KAZN: variants seen among roughly 807,000 people sequenced by gnomAD.
KAZN encodes kazrin, periplakin interacting protein.
In KAZN, 40 loss-of-function variants were observed where a neutral mutation model predicts 87.4. The observed-to-expected ratio is 0.46, with a 90% CI of 0.36 to 0.60. The LOEUF (loss-of-function observed/expected upper bound fraction) is 0.60. KAZN is among the 20% of genes least tolerant of loss of function. KAZN has a pLI of 0.00. For synonymous variants in KAZN, 466 were observed against 458.3 expected (o/e 1.02, Z -0.22); for missense variants, 898 against 1,073.9 (o/e 0.84, Z 2.29).
intron 1 of KAZN, among the ~76,000 whole-genome samples, chr1:14,058,653 G>A (rs1276731370): frequency 6.6e-6 from 1 of 152,064 alleles, no homozygotes; most frequent in Non-Finnish European, 1.5e-5. Context: ...AACTACTTAG[G>A]GTCTACAGAG....
intron 1 of KAZN, among the ~76,000 whole-genome samples, chr1:14,778,798 TTC>T (rs1181114720): frequency 6.6e-6 from 1 of 152,180 alleles, no homozygotes; most frequent in Non-Finnish European, 1.5e-5. Flanking sequence ...TTGCTCAGAA[TTC>T]TGTAAGTCAA....
At chr1:14,294,417 A>C (rs1309637805) in intron 2 of KAZN, among the ~76,000 whole-genome samples, 1 of 152,068 alleles carries the variant, frequency 6.6e-6, no homozygotes, top group Non-Finnish European at 1.5e-5. Flanking sequence ...CATGGTTGGT[A>C]CATGCCATAT....
intron 2 of KAZN, among the ~76,000 whole-genome samples, chr1:14,493,704 G>T (rs1669799234): frequency 6.6e-6 from 1 of 152,128 alleles, no homozygotes; most frequent in Admixed American, 6.5e-5. Context: ...CCATGAAGAT[G>T]TCTTATTTCT....
intron 2 of KAZN, among the ~76,000 whole-genome samples, chr1:14,422,932 GA>G (rs1247140843): frequency 6.6e-5 from 10 of 152,250 alleles, no homozygotes; most frequent in African/African-American, 2.4e-4. Flanking sequence ...AGGAAACTCA[GA>G]TTGAGGCTTC....
At chr1:14,268,561 C>A (rs1187763902) in intron 2 of KAZN, among the ~76,000 whole-genome samples, 1 of 151,856 alleles carries the variant, frequency 6.6e-6, no homozygotes, top group Non-Finnish European at 1.5e-5. Context: ...AAGGAGAAAA[C>A]CTTCCATTCT....
At chr1:14,855,547 G>GTGA (rs1264845178) in intron 1 of KAZN, among the ~76,000 whole-genome samples, 3 of 152,216 alleles carry the variant, frequency 2.0e-5, no homozygotes, top group Non-Finnish European at 4.4e-5. Flanking sequence ...GGTCACTGAT[G>GTGA]TGATCATTTG....
chr1:14,323,755 G>C (rs983634814), intron 2 of KAZN, among the ~76,000 whole-genome samples: 1 of 152,084 alleles, frequency 6.6e-6, no homozygotes, highest in African/African-American at 2.4e-5. Context: ...ACCACATCTT[G>C]GCAGGATCTT....
intron 1 of KAZN, among the ~76,000 whole-genome samples, chr1:14,727,878 C>T (rs992388990): frequency 2.0e-5 from 3 of 152,054 alleles, no homozygotes; most frequent in South Asian, 2.1e-4. Context: ...TAGACAGTCT[C>T]ATCGAGTGGT....
chr1:14,344,847 AAATGAGAGTTCACGG>A (rs1657993605), intron 2 of KAZN, among the ~76,000 whole-genome samples: 1 of 152,166 alleles, frequency 6.6e-6, no homozygotes, highest in Non-Finnish European at 1.5e-5. Flanking sequence ...TAACTCATGT[AAATGAGAGTTCACGG>A]GTGGACATAG....
chr1:14,362,416 A>G (rs1045017531), intron 2 of KAZN, among the ~76,000 whole-genome samples: 2 of 152,232 alleles, frequency 1.3e-5, no homozygotes, highest in Non-Finnish European at 2.9e-5. Context: ...CCTGACAAAC[A>G]TTGCAATCTT....
intron 2 of KAZN, among the ~76,000 whole-genome samples, chr1:15,023,806 G>A (rs1670918458): frequency 6.6e-6 from 1 of 152,012 alleles, no homozygotes; most frequent in African/African-American, 2.4e-5. Context: ...GAGCAGGGTA[G>A]TGACTGAGGA....
chr1:14,598,867 G>C lies in KAZN; in HGVS notation c.-131G>C. On this transcript the variant is annotated 5_prime_UTR_variant, in exon 1 of 15. Coordinates refer to ENST00000376030, the MANE Select transcript of KAZN (RefSeq NM_201628.3). This position sits in a 1 kb window ranked among gnomAD's most constrained non-coding sequence, Gnocchi z 4.2. The stretch of plus-strand genomic sequence containing the variant: ...GAGGAACCGGCGCTGCCGGTGCCTG[G>C]GGGTCGGGGCGCGGGCGAAGCCGGG... The C allele has an allele frequency of 6.9e-7, 1 of 1,443,800 alleles. No homozygotes were observed. The highest frequency in any genetic ancestry group is 1.5e-5 in the South Asian group (1 of 66,988). 89.4% of individuals were successfully genotyped at this position (1,443,800 alleles called of 1,614,324 possible).
chr1:13,921,371 T>C (rs929109565), intron 1 of KAZN, among the ~76,000 whole-genome samples: 26 of 152,204 alleles, frequency 1.7e-4, no homozygotes, highest in Non-Finnish European at 3.7e-4. Context: ...ACTCTGTCAT[T>C]GCAGTGTGAA....
intron 1 of KAZN, among the ~76,000 whole-genome samples, chr1:14,811,193 C>A (rs1469390959): frequency 6.6e-6 from 1 of 152,146 alleles, no homozygotes; most frequent in African/African-American, 2.4e-5. Context: ...GGTGCTTTTT[C>A]TTCCCCACCC....
rs138289296 is a variant in KAZN, at chr1:15,112,540, G to A, written c.2162G>A (p.Arg721Gln). Residue 721 changes from arginine (R) to glutamine (Q), a missense_variant and splice_region_variant, in exon 14 of 15, where the codon CGG becomes CAG. Physicochemically the swap from Arg to Gln is conservative, Grantham distance 43 (BLOSUM62 1). Around this residue, in one of 3 missense-constraint regions of KAZN, gnomAD observed 127 missense variants for 121.5 expected, o/e 1.04. Coordinates refer to ENST00000376030, the MANE Select transcript of KAZN (RefSeq NM_201628.3). ...NSSGLKYKAG[R>Q]LPLGKIGRGF... ...AGCGGTCTCAAGTACAAGGCTGGCC[G>A]GGTAAGTCTCTCAATGGATTTACCT... 115 of 1,556,294 alleles carry A rather than the reference G, an allele frequency of 7.4e-5. No homozygotes were observed. Among genetic ancestry groups the A allele is most frequent in the Non-Finnish European group, 9.0e-5 (103 of 1,149,130 alleles).
At chr1:14,697,159 A>AAAAAAAAAAAAAAAAAAG (rs1557897126) in intron 1 of KAZN, among the ~76,000 whole-genome samples, 1 of 135,074 alleles carries the variant, frequency 7.4e-6, no homozygotes. Flanking sequence ...AAAAAAAAAG[A>AAAAAAAAAAAAAAAAAAG]AAAGAAAAGA....
chr1:14,367,527 G>GT (rs1209332191), intron 2 of KAZN, among the ~76,000 whole-genome samples: 1 of 152,154 alleles, frequency 6.6e-6, no homozygotes, highest in African/African-American at 2.4e-5. Flanking sequence ...AAATAGGGGT[G>GT]TAAGTTCTCA....
At chr1:14,418,263 A>G (rs1332078525) in intron 2 of KAZN, among the ~76,000 whole-genome samples, 2 of 152,068 alleles carry the variant, frequency 1.3e-5, no homozygotes, top group Admixed American at 6.6e-5. Flanking sequence ...CAAGTTCCTA[A>G]CTATATGACC....
At chr1:14,253,317 C>G (rs1053285062) in intron 2 of KAZN, among the ~76,000 whole-genome samples, 9 of 152,188 alleles carry the variant, frequency 5.9e-5, no homozygotes, top group Admixed American at 2.6e-4. Context: ...CCTACCCTTG[C>G]AGATTCCCTT....
Sources: allele counts gnomAD v4.1 joint callset (sites outside exome capture counted in the v4.1 genomes callset), GRCh38; gene constraint gnomAD v4.1.1; regional missense constraint gnomAD v4.1.1; non-coding constraint Gnocchi (gnomAD v3.1); transcripts MANE v1.5; gene names NCBI Gene and HGNC (gene_info 2026-07-23, HGNC 2026-07-21).